Variants in SNTB1 observed in about 807,000 individuals in gnomAD.
SNTB1 encodes syntrophin beta 1, also known as beta-1-syntrophin.
A neutral mutation model predicts 48.9 loss-of-function variants in SNTB1; 36 were observed. That is an observed-to-expected ratio of 0.74 (90% confidence interval 0.56 to 0.97). The LOEUF (loss-of-function observed/expected upper bound fraction) is 0.97, where lower values mean the gene tolerates loss of function less well. Ranked by LOEUF, SNTB1 falls within the 50% of genes least tolerant of loss-of-function variation. The pLI is 0.00. For missense variants in SNTB1, 786 were observed against 703.4 expected (o/e 1.12, Z -1.33); for synonymous variants, 299 against 294.6 (o/e 1.01, Z -0.15).
intron 3 of SNTB1, among the ~76,000 whole-genome samples, chr8:120,617,703 A>G (rs1011211687): frequency 1.3e-5 from 2 of 152,170 alleles, no homozygotes; most frequent in East Asian, 1.9e-4. Context: ...ACCTTGCTCC[A>G]TACTCAGAAC....
intron 4 of SNTB1, among the ~76,000 whole-genome samples, chr8:120,553,170 GT>G (rs1815511551): frequency 6.6e-6 from 1 of 152,192 alleles, no homozygotes; most frequent in African/African-American, 2.4e-5. Context: ...AGGAAGGACT[GT>G]TGGTGTTCTG....
intron 1 of SNTB1, among the ~76,000 whole-genome samples, chr8:120,770,338 A>G (rs1819599763): frequency 6.6e-6 from 1 of 151,704 alleles, no homozygotes; most frequent in East Asian, 1.9e-4. Flanking sequence ...TTGGCTTCAC[A>G]TTCCCTACAG....
chr8:120,715,806 A>G (rs1213831783), intron 1 of SNTB1, among the ~76,000 whole-genome samples: 2 of 151,996 alleles, frequency 1.3e-5, no homozygotes, highest in Admixed American at 1.3e-4. Context: ...ATGCCGTCCC[A>G]CTCACACAGC....
At chr8:120,597,195 C>G (rs898714196) in intron 3 of SNTB1, among the ~76,000 whole-genome samples, 1 of 152,200 alleles carries the variant, frequency 6.6e-6, no homozygotes, top group Non-Finnish European at 1.5e-5. Context: ...CAGTGGCCAT[C>G]AGAAGCTGGA....
chr8:120,725,945 C>A (rs1374230850), intron 1 of SNTB1, among the ~76,000 whole-genome samples: 1 of 152,094 alleles, frequency 6.6e-6, no homozygotes, highest in African/African-American at 2.4e-5. Context: ...CCACCATAAA[C>A]ATAAAGTTAT....
rs80295840 is a variant in SNTB1, at chr8:120,781,702, C to T, written c.571+29571G>A. ...AATTTCACAAAACAGAGAATGGACT[C>T]ATTCTTATTCAGGAATTTTCAGATG... On this transcript the variant is annotated intron_variant, in intron 1 of 6. Coordinates refer to ENST00000517992, the MANE Select transcript of SNTB1 (RefSeq NM_021021.4). Among the ~76,000 whole-genome samples, 1,433 of 152,276 alleles carry T rather than the reference C, an allele frequency of 9.4e-3. 63 individuals carry two copies. Among genetic ancestry groups the T allele is most frequent in the East Asian group, 0.072 (371 of 5,176 alleles).
chr8:120,721,289 T>A (rs1818654952), intron 1 of SNTB1, among the ~76,000 whole-genome samples: 1 of 152,228 alleles, frequency 6.6e-6, no homozygotes, highest in Non-Finnish European at 1.5e-5. Flanking sequence ...AACTTGGATA[T>A]GTTGGAACAC....
intron 2 of SNTB1, among the ~76,000 whole-genome samples, chr8:120,678,149 GA>G (rs1382738544): frequency 6.6e-6 from 1 of 152,154 alleles, no homozygotes; most frequent in Non-Finnish European, 1.5e-5. Flanking sequence ...CATTTTAAAT[GA>G]AAGTAAATTA....
chr8:120,616,480 T>TTG lies in SNTB1; in HGVS notation c.996+15963_996+15964insCA, dbSNP rs1554648039. On this transcript the variant is annotated intron_variant, in intron 3 of 6. Coordinates refer to ENST00000517992, the MANE Select transcript of SNTB1 (RefSeq NM_021021.4). ...AACACCTGACTAACTAAAAAAAGTT[T>TTG]TTTTTTTTTTTTTGTAAAAATGGGG... Among the ~76,000 whole-genome samples the TTG allele has an allele frequency of 8.8e-4, 123 of 139,070 alleles. 1 individual carries two copies. Among genetic ancestry groups the TTG allele is most frequent in the East Asian group, 2.4e-3 (7 of 2,920 alleles). 91.2% of individuals were successfully genotyped at this position (139,070 alleles called of 152,430 possible). A position where few individuals can be genotyped will look rare whatever the true frequency, so the allele number is the denominator to read the frequency against.
At chr8:120,694,573 T>TTA (rs533402483) in intron 1 of SNTB1, among the ~76,000 whole-genome samples, 156 of 151,192 alleles carry the variant, frequency 1.0e-3, no homozygotes, top group African/African-American at 3.4e-3. Flanking sequence ...CATTAATTCT[T>TTA]TATATATATA....
intron 5 of SNTB1, 41 bp downstream of exon 5, chr8:120,548,721 C>T (rs1563814353): frequency 6.3e-6 from 10 of 1,587,602 alleles, no homozygotes; most frequent in Non-Finnish European, 8.6e-6. Context: ...GGTTCATCTT[C>T]CCGTAACAAT....
chr8:120,580,249 A>C (rs1816023411), intron 3 of SNTB1, among the ~76,000 whole-genome samples: 6 of 152,036 alleles, frequency 3.9e-5, no homozygotes, highest in Admixed American at 3.9e-4. Flanking sequence ...TCCACCTTCT[A>C]CTTGAGCACG....
chr8:120,600,556 C>A (rs1474009060), intron 3 of SNTB1, among the ~76,000 whole-genome samples: 1 of 152,138 alleles, frequency 6.6e-6, no homozygotes, highest in African/African-American at 2.4e-5. Flanking sequence ...GCTGCTGCCC[C>A]AGTGAAAAGG....
intron 1 of SNTB1, among the ~76,000 whole-genome samples, chr8:120,719,929 C>T (rs1266981428): frequency 3.3e-5 from 5 of 152,334 alleles, no homozygotes; most frequent in Non-Finnish European, 5.9e-5. Flanking sequence ...CAAAAAGCCT[C>T]GCCTTCCTAT....
chr8:120,772,108 A>C (rs1302577506), intron 1 of SNTB1, among the ~76,000 whole-genome samples: 1 of 152,052 alleles, frequency 6.6e-6, no homozygotes, highest in Non-Finnish European at 1.5e-5. Flanking sequence ...ACCTCAAGTG[A>C]TCCACCTGCC....
At chr8:120,544,544 T>C (rs537601626) in intron 5 of SNTB1, among the ~76,000 whole-genome samples, 1 of 152,298 alleles carries the variant, frequency 6.6e-6, no homozygotes, top group East Asian at 1.9e-4. Flanking sequence ...TATTTCCTAT[T>C]CTCCACTGAT....
At chr8:120,765,001 G>T (rs7459876) in intron 1 of SNTB1, among the ~76,000 whole-genome samples, 1 of 152,148 alleles carries the variant, frequency 6.6e-6, no homozygotes, top group East Asian at 1.9e-4. Flanking sequence ...CGAGGTGGGC[G>T]GATCACCTGA....
intron 2 of SNTB1, among the ~76,000 whole-genome samples, chr8:120,638,706 T>G (rs1324990359): frequency 1.3e-5 from 2 of 152,208 alleles, no homozygotes; most frequent in African/African-American, 4.8e-5. Flanking sequence ...GGTTTCCACT[T>G]CATTCATGTC....
intron 2 of SNTB1, among the ~76,000 whole-genome samples, chr8:120,678,459 T>C (rs1315597598): frequency 6.6e-6 from 1 of 152,198 alleles, no homozygotes; most frequent in Non-Finnish European, 1.5e-5. Flanking sequence ...CTCTCCCTGA[T>C]ACATGGCTCT....
Sources: gnomAD v4.1 joint callset for allele counts (sites outside exome capture counted in the v4.1 genomes callset) on GRCh38, gnomAD v4.1.1 for gene constraint, MANE v1.5 for transcripts, NCBI Gene and HGNC (gene_info 2026-07-23, HGNC 2026-07-21) for gene names.